The following BARD1 variants were observed in gnomAD, a reference collection of about 807,000 sequenced individuals.
BARD1 encodes BRCA1-associated RING domain protein 1.
A neutral mutation model predicts 77.0 loss-of-function variants in BARD1; 73 were observed. The ratio of observed to expected loss-of-function variants is 0.95; its 90% CI spans 0.79 to 1.15. The LOEUF is 1.15. Ranked by LOEUF, BARD1 falls within the 50% of genes most tolerant of loss-of-function variation. The probability of loss-of-function intolerance (pLI) is 0.00; values close to 1 mark genes in which losing one functional copy is unlikely to be tolerated. For synonymous variants in BARD1, 384 were observed against 338.0 expected (o/e 1.14, Z -1.49); for missense variants, 993 against 938.8 (o/e 1.06, Z -0.75).
chr2:214,757,203 C>T (rs1693732470), intron 6 of BARD1, among the ~76,000 whole-genome samples: 1 of 151,830 alleles, frequency 6.6e-6, no homozygotes, highest in African/African-American at 2.4e-5. Flanking sequence ...TGAAAAGGGA[C>T]TAATACATAT....
chr2:214,781,936 T>C (rs888176509), intron 3 of BARD1, among the ~76,000 whole-genome samples: 13 of 152,126 alleles, frequency 8.5e-5, no homozygotes, highest in African/African-American at 3.1e-4. Context: ...TTTACAGATA[T>C]AACAAATCCC....
At chr2:214,777,650 T>C (rs766028198) in intron 4 of BARD1, among the ~76,000 whole-genome samples, 4 of 152,178 alleles carry the variant, frequency 2.6e-5, no homozygotes, top group Non-Finnish European at 5.9e-5. Context: ...ACCTGGTCCT[T>C]CCCCTTATTT....
chr2:214,795,646 TAAACTGTAGA>T (rs1695724787), intron 2 of BARD1, among the ~76,000 whole-genome samples: 2 of 152,066 alleles, frequency 1.3e-5, no homozygotes, highest in African/African-American at 2.4e-5. Flanking sequence ...GAACAAACTA[TAAACTGTAGA>T]AAATTCAGAA....
intron 4 of BARD1, among the ~76,000 whole-genome samples, chr2:214,771,982 C>T (rs1341791722): frequency 3.4e-5 from 5 of 145,224 alleles, no homozygotes; most frequent in African/African-American, 1.3e-4. Context: ...GCAAATTCTA[C>T]TTCTAGAGCA....
intron 6 of BARD1, among the ~76,000 whole-genome samples, chr2:214,759,126 CAT>C (rs1369604422): frequency 1.3e-5 from 2 of 152,118 alleles, no homozygotes; most frequent in Non-Finnish European, 2.9e-5. Context: ...AGCTATAAAA[CAT>C]AAATTATCTC....
intron 6 of BARD1, among the ~76,000 whole-genome samples, chr2:214,761,173 A>G (rs1308739170): frequency 2.6e-5 from 4 of 152,090 alleles, no homozygotes; most frequent in African/African-American, 4.8e-5. Flanking sequence ...AGAGATCTCC[A>G]AAAATTATAT....
In BARD1 at chr2:214,797,123, T is replaced by C. The variant is rs773668916; in HGVS notation, c.159-6A>G. Reference sequence around the variant, plus strand: ...GCTCTCTCAGAATGTTAGTACTGTTTGAAGAAATTAAAACAATCAAGATTT... The same window carrying C: ...GCTCTCTCAGAATGTTAGTACTGTTCGAAGAAATTAAAACAATCAAGATTT... On this transcript the variant is annotated splice_polypyrimidine_tract_variant and splice_region_variant and intron_variant, in intron 1 of 10. Transcript: ENST00000260947. 6.2e-7 allele frequency: 1 copy of C among 1,611,422 alleles called. No homozygotes were observed. Among genetic ancestry groups the C allele is most frequent in the Non-Finnish European group, 8.5e-7 (1 of 1,177,724 alleles).
Position 214,727,319 on chromosome 2 carries a change from TCTCA to T in BARD1, c.*1353_*1356del, listed in dbSNP as rs1385170352. The T allele has an allele frequency of 6.5e-5, 15 of 231,758 alleles. No homozygotes were observed. Among genetic ancestry groups the T allele is most frequent in the African/African-American group, 2.2e-4 (10 of 45,290 alleles). 14.4% of individuals were successfully genotyped at this position (231,758 alleles called of 1,614,324 possible). ...TAAGATGTTGATGAACTTCAGAGAT[TCTCA>T]CTATTTTAAAACTAGGGATATTCTA... On this transcript the variant is annotated 3_prime_UTR_variant, in exon 11 of 11. Coordinates refer to ENST00000260947, the MANE Select transcript of BARD1 (RefSeq NM_000465.4).
chr2:214,742,837 T>G (rs1211820588), intron 9 of BARD1, among the ~76,000 whole-genome samples: 8 of 152,222 alleles, frequency 5.3e-5, no homozygotes, highest in Non-Finnish European at 1.2e-4. Context: ...TATGGCTTCT[T>G]TATTACTGCG....
At chr2:214,793,018 A>G (rs1695603640) in intron 2 of BARD1, among the ~76,000 whole-genome samples, 1 of 152,154 alleles carries the variant, frequency 6.6e-6, no homozygotes, top group Non-Finnish European at 1.5e-5. Context: ...AAATCTGATG[A>G]AAATCTATAC....
intron 6 of BARD1, 57 bp downstream of exon 6, chr2:214,767,425 C>T: frequency 6.5e-7 from 1 of 1,544,684 alleles, no homozygotes; most frequent in Non-Finnish European, 8.9e-7. Context: ...TTATCACACA[C>T]CTTGATTCAA....
intron 1 of BARD1, among the ~76,000 whole-genome samples, chr2:214,802,308 A>T (rs1328337180): frequency 1.3e-5 from 2 of 152,180 alleles, no homozygotes; most frequent in African/African-American, 4.8e-5. Context: ...ATTATAAAAT[A>T]GGCTTTGTGT....
chr2:214,760,987 A>G (rs6722207), intron 6 of BARD1, among the ~76,000 whole-genome samples: 61,640 of 149,200 alleles, frequency 0.41, 12,790 homozygotes, highest in South Asian at 0.5. Flanking sequence ...TGTTAGCCAG[A>G]ATGGTCTCGA....
chr2:214,768,664 C>T (rs894149095), intron 5 of BARD1, among the ~76,000 whole-genome samples: 30 of 152,280 alleles, frequency 2.0e-4, no homozygotes, highest in African/African-American at 7.2e-4. Context: ...ATGTAATTGG[C>T]CTACATACCA....
chr2:214,778,571 A>G (rs78786673), intron 4 of BARD1, among the ~76,000 whole-genome samples: 7,948 of 152,150 alleles, frequency 0.052, 229 homozygotes, highest in Admixed American at 0.083. Flanking sequence ...TTTTATCCTG[A>G]CTTAATATTC....
chr2:214,784,103 A>T (rs1695163242), intron 3 of BARD1, among the ~76,000 whole-genome samples: 1 of 152,240 alleles, frequency 6.6e-6, no homozygotes, highest in Non-Finnish European at 1.5e-5. Flanking sequence ...GGCAACCTAC[A>T]GAATGGGAGA....
At chr2:214,803,154 C>T (rs7606016) in intron 1 of BARD1, among the ~76,000 whole-genome samples, 39,526 of 150,790 alleles carry the variant, frequency 0.26, 5,535 homozygotes, top group African/African-American at 0.36. Context: ...TCACCACTCC[C>T]TAATCTCAAG....
intron 6 of BARD1, 96 bp from the exon 7 acceptor site, chr2:214,752,651 A>C: frequency 1.1e-6 from 1 of 896,274 alleles, no homozygotes; most frequent in Non-Finnish European, 1.8e-6. Flanking sequence ...TAACTAAAAT[A>C]AATTACTCAG....
rs143508370 is a variant in BARD1 at position 214,795,909 on chromosome 2, C to T, written c.215+1152G>A. 9.2e-5 allele frequency among the ~76,000 whole-genome samples: 14 copies of T among 152,160 alleles called. No homozygotes were observed. In the East Asian group the frequency reaches 2.7e-3, roughly 29 times the overall value. On this transcript the variant is annotated intron_variant, in intron 2 of 10. Coordinates refer to ENST00000260947, the MANE Select transcript of BARD1 (RefSeq NM_000465.4). ...GTAGGCAACAGGTTCCATCTCCTAC[C>T]CCCCATCCTCCTGCTGGATATCCCT...
Sources: allele counts gnomAD v4.1 joint callset (sites outside exome capture counted in the v4.1 genomes callset), GRCh38; gene constraint gnomAD v4.1.1; transcripts MANE v1.5; gene names NCBI Gene and HGNC (gene_info 2026-07-23, HGNC 2026-07-21).